The following PACS1 variants were observed in gnomAD, a reference collection of about 807,000 sequenced individuals.
PACS1 encodes PACS-1.
In PACS1, 24 loss-of-function variants were observed where a neutral mutation model predicts 115.0. The observed-to-expected ratio is 0.21, with a 90% CI of 0.15 to 0.29. The LOEUF is 0.29. PACS1 is among the 10% of genes least tolerant of loss of function. The pLI is 1.00. For missense variants in PACS1, 838 were observed against 1,251.2 expected (o/e 0.67, Z 4.98); for synonymous variants, 453 against 504.5 (o/e 0.90, Z 1.37).
chr11:66,207,754 T>C (rs766922379), intron 2 of PACS1, among the ~76,000 whole-genome samples: 23 of 152,094 alleles, frequency 1.5e-4, no homozygotes, highest in African/African-American at 1.9e-4. Flanking sequence ...TGCAGTGATA[T>C]AATCTTGGCT....
At chr11:66,141,221 T>G (rs1388597791) in intron 1 of PACS1, among the ~76,000 whole-genome samples, 1 of 152,242 alleles carries the variant, frequency 6.6e-6, no homozygotes, top group Non-Finnish European at 1.5e-5. Flanking sequence ...TCTCCTTTGA[T>G]GAGTTTGGAA....
At chr11:66,080,846 C>A (rs1383969864) in intron 1 of PACS1, among the ~76,000 whole-genome samples, 1 of 152,184 alleles carries the variant, frequency 6.6e-6, no homozygotes, top group Non-Finnish European at 1.5e-5. Context: ...GTTCTGGAGC[C>A]AGTCAGGTCA....
At chr11:66,132,097 C>G (rs1024182081) in intron 1 of PACS1, among the ~76,000 whole-genome samples, 13 of 152,156 alleles carry the variant, frequency 8.5e-5, no homozygotes, top group Non-Finnish European at 1.6e-4. Context: ...CCACTCAAAT[C>G]TCATCTTGAA....
chr11:66,077,866 A>G (rs538672441), intron 1 of PACS1, among the ~76,000 whole-genome samples: 39 of 151,700 alleles, frequency 2.6e-4, no homozygotes, highest in African/African-American at 9.2e-4. Flanking sequence ...CCATGCATGG[A>G]TAATTTTGTA....
chr11:66,126,524 C>G (rs1215692067), intron 1 of PACS1, among the ~76,000 whole-genome samples: 1 of 152,144 alleles, frequency 6.6e-6, no homozygotes, highest in Non-Finnish European at 1.5e-5. Flanking sequence ...ACTGGTCTGT[C>G]CCTATTTAGA....
intron 1 of PACS1, among the ~76,000 whole-genome samples, chr11:66,181,838 G>T (rs373155676): frequency 4.9e-4 from 74 of 152,194 alleles, no homozygotes; most frequent in African/African-American, 1.6e-3. Flanking sequence ...TGTACTAATG[G>T]GTTGTCATGA....
At chr11:66,211,042 A>C in intron 3 of PACS1, 92 bp from the exon 4 acceptor site, 1 of 1,426,724 alleles carries the variant, frequency 7.0e-7, no homozygotes. Context: ...AGACAGGAAG[A>C]ATTGAAGCAC....
At chr11:66,175,477 A>G (rs1007602368) in intron 1 of PACS1, among the ~76,000 whole-genome samples, 2 of 151,856 alleles carry the variant, frequency 1.3e-5, no homozygotes, top group African/African-American at 2.4e-5. Context: ...TGTTCTGTCT[A>G]TTTCCTTGGA....
chr11:66,071,287 A>T (rs1857307428), intron 1 of PACS1, among the ~76,000 whole-genome samples: 1 of 152,176 alleles, frequency 6.6e-6, no homozygotes, highest in African/African-American at 2.4e-5. Flanking sequence ...AAGCTCATAT[A>T]ATCACCCTAG....
In PACS1 at chr11:66,143,437, A is replaced by G. The variant is rs190063934; in HGVS notation, c.357-50049A>G. Reference sequence around the variant, plus strand: ...AGGCTCATTTGTCTGCTTGATGCCAACGTGCTGTGGGTTCTCCAGAGGCTG... The same window carrying G: ...AGGCTCATTTGTCTGCTTGATGCCAGCGTGCTGTGGGTTCTCCAGAGGCTG... On this transcript the variant is annotated intron_variant, in intron 1 of 23. Coordinates refer to ENST00000320580, the MANE Select transcript of PACS1 (RefSeq NM_018026.4). 1.4e-3 allele frequency among the ~76,000 whole-genome samples: 216 copies of G among 152,214 alleles called. 1 individual carries two copies. Among genetic ancestry groups the G allele is most frequent in the Admixed American group, 3.2e-3 (49 of 15,280 alleles).
chr11:66,099,720 A>G (rs1022372177), intron 1 of PACS1, among the ~76,000 whole-genome samples: 3 of 149,580 alleles, frequency 2.0e-5, no homozygotes, highest in Non-Finnish European at 4.4e-5. Flanking sequence ...TAATTTTTGT[A>G]TTTTTTGTAG....
intron 9 of PACS1, 130 bp downstream of exon 9, chr11:66,220,921 G>A: frequency 2.7e-6 from 3 of 1,111,748 alleles, no homozygotes; most frequent in Non-Finnish European, 2.6e-6. Context: ...ACCTCTGGCT[G>A]TCTTGGAGAA....
At chr11:66,230,775 T>C in intron 12 of PACS1, 30 bp from the exon 13 acceptor site, 1 of 1,613,852 alleles carries the variant, frequency 6.2e-7, no homozygotes, top group Non-Finnish European at 8.5e-7. Context: ...GAGGGGCTAT[T>C]TCACCAGCCT....
intron 1 of PACS1, among the ~76,000 whole-genome samples, chr11:66,112,423 T>A (rs1329075605): frequency 6.6e-6 from 1 of 152,236 alleles, no homozygotes; most frequent in Non-Finnish European, 1.5e-5. Context: ...CCCGTTGGTG[T>A]CATTCAGGTC....
chr11:66,136,302 C>G (rs1236781750), intron 1 of PACS1, among the ~76,000 whole-genome samples: 2 of 145,942 alleles, frequency 1.4e-5, no homozygotes, highest in East Asian at 4.0e-4. Context: ...GAATGTGAAA[C>G]AGGACTGCCC....
At chr11:66,194,397 A>G (rs548881745) in intron 2 of PACS1, among the ~76,000 whole-genome samples, 1 of 152,368 alleles carries the variant, frequency 6.6e-6, no homozygotes, top group Admixed American at 6.5e-5. Context: ...GGTATATTCA[A>G]GGGACCCAAA....
intron 1 of PACS1, among the ~76,000 whole-genome samples, chr11:66,094,675 A>G (rs943536047): frequency 7.2e-5 from 11 of 152,238 alleles, no homozygotes; most frequent in African/African-American, 2.7e-4. Context: ...AAAAGGAGGG[A>G]ATCCTCCCTA....
rs575047096 is a variant in PACS1 at position 66,153,182 on chromosome 11, A to G, written c.357-40304A>G. Among the ~76,000 whole-genome samples, 6 of 152,088 alleles carry G rather than the reference A, an allele frequency of 3.9e-5. 1 individual carries two copies. The highest frequency in any genetic ancestry group is 2.1e-4 in the South Asian group (1 of 4,820). On this transcript the variant is annotated intron_variant, in intron 1 of 23. Coordinates refer to ENST00000320580, the MANE Select transcript of PACS1 (RefSeq NM_018026.4). ...TTGCCCAGGCTTGAGTGTGTTGGCT[A>G]TTCACAAGGACAATTATGGTGCACT... is the stretch of plus-strand genomic sequence containing the variant.
At chr11:66,229,211 C>CAAAAAAAA (rs386374029) in intron 11 of PACS1, among the ~76,000 whole-genome samples, 2 of 63,192 alleles carry the variant, frequency 3.2e-5, no homozygotes, top group Non-Finnish European at 5.6e-5. Context: ...CCCGTCTCTA[C>CAAAAAAAA]AAAAAAAAAA....
Sources: gnomAD v4.1 joint callset for allele counts (sites outside exome capture counted in the v4.1 genomes callset) on GRCh38, gnomAD v4.1.1 for gene constraint, MANE v1.5 for transcripts, NCBI Gene and HGNC (gene_info 2026-07-23, HGNC 2026-07-21) for gene names.